Variants in PCLO observed in about 807,000 individuals in gnomAD.
The protein encoded by PCLO is protein piccolo.
A neutral mutation model predicts 427.5 loss-of-function variants in PCLO; 82 were observed. The observed-to-expected ratio is 0.19, with a 90% CI of 0.16 to 0.23. The LOEUF is 0.23. Among genes scored for constraint, PCLO ranks in the 10% least tolerant of loss-of-function variants. PCLO has a pLI of 1.00. For missense variants in PCLO, 6,239 were observed against 6,115.9 expected, an observed-to-expected ratio of 1.02 and a Z score of -0.67; for synonymous variants, 2,357 against 2,155.4, an observed-to-expected ratio of 1.09 and a Z score of -2.59.
At chr7:82,930,248 T>C (rs1008953276) in intron 6 of PCLO, among the ~76,000 whole-genome samples, 1 of 152,070 alleles carries the variant, frequency 6.6e-6, no homozygotes, top group African/African-American at 2.4e-5. Context: ...TACACGTATG[T>C]CCCAGGACCT....
intron 3 of PCLO, among the ~76,000 whole-genome samples, chr7:83,015,649 C>T (rs1788188441): frequency 6.6e-6 from 1 of 151,980 alleles, no homozygotes; most frequent in South Asian, 2.1e-4. Flanking sequence ...ATTGTGAAAA[C>T]AAGGCCAAAT....
intron 6 of PCLO, among the ~76,000 whole-genome samples, chr7:82,948,258 T>C (rs2116410113): frequency 6.6e-6 from 1 of 150,876 alleles, no homozygotes; most frequent in Non-Finnish European, 1.5e-5. Flanking sequence ...CTCCTTGACA[T>C]GAAGACAGTT....
intron 3 of PCLO, among the ~76,000 whole-genome samples, chr7:83,030,993 T>A (rs1051872403): frequency 6.6e-6 from 1 of 152,222 alleles, no homozygotes; most frequent in Non-Finnish European, 1.5e-5. Flanking sequence ...GGCTCTGATA[T>A]GGTGTCACAA....
intron 3 of PCLO, among the ~76,000 whole-genome samples, chr7:82,984,151 A>G (rs574732848): frequency 6.7e-6 from 1 of 148,838 alleles, no homozygotes; most frequent in African/African-American, 2.6e-5. Flanking sequence ...GAAGAAATTA[A>G]TTTCAATACT....
In PCLO at chr7:82,879,619, T is replaced by G. The variant is rs903216664; in HGVS notation, c.13529-157A>C. 4.6e-5 allele frequency among the ~76,000 whole-genome samples: 7 copies of G among 152,160 alleles called. No individual in the cohort carries two copies. In the South Asian group the frequency reaches 6.2e-4, roughly 14 times the overall value. On this transcript the variant is annotated intron_variant, in intron 9 of 24. Coordinates refer to ENST00000333891, the MANE Select transcript of PCLO (RefSeq NM_033026.6). Reference sequence around the variant, plus strand: ...CCAAAACCAAAGTATGTTATTCTGATTTTGATAATATAAAATAGGATTTTC... The same window carrying G: ...CCAAAACCAAAGTATGTTATTCTGAGTTTGATAATATAAAATAGGATTTTC...
intron 24 of PCLO, among the ~76,000 whole-genome samples, chr7:82,759,424 T>G (rs1246353964): frequency 6.6e-6 from 1 of 151,966 alleles, no homozygotes; most frequent in Non-Finnish European, 1.5e-5. Context: ...CTTCCAGATA[T>G]GACTATCTCT....
chr7:83,024,022 T>C (rs1421423148), intron 3 of PCLO, among the ~76,000 whole-genome samples: 1 of 152,230 alleles, frequency 6.6e-6, no homozygotes, highest in Admixed American at 6.5e-5. Context: ...CATTTATTGC[T>C]TACTGGCTTT....
intron 17 of PCLO, 31 bp from the exon 18 acceptor site, chr7:82,826,691 C>A: frequency 7.2e-7 from 1 of 1,381,454 alleles, no homozygotes; most frequent in Non-Finnish European, 1.0e-6. Flanking sequence ...TCTAATTAAA[C>A]CTATCTTTCC....
chr7:83,021,963 T>A (rs1048730898), intron 3 of PCLO, among the ~76,000 whole-genome samples: 4 of 152,214 alleles, frequency 2.6e-5, no homozygotes, highest in Non-Finnish European at 5.9e-5. Context: ...TAAACAAATT[T>A]AAAAATATTC....
intron 3 of PCLO, among the ~76,000 whole-genome samples, chr7:83,041,900 T>A (rs1428932197): frequency 1.8e-4 from 27 of 152,068 alleles, no homozygotes; most frequent in Admixed American, 1.8e-3. Context: ...TATACGAGCA[T>A]CCCCTAGGGC....
intron 3 of PCLO, among the ~76,000 whole-genome samples, chr7:83,026,410 C>G (rs1368185336): frequency 2.6e-5 from 4 of 152,092 alleles, no homozygotes; most frequent in African/African-American, 9.7e-5. Flanking sequence ...GCTAACTATC[C>G]TAAATATATA....
intron 22 of PCLO, among the ~76,000 whole-genome samples, chr7:82,781,754 A>G (rs1408236025): frequency 6.6e-6 from 1 of 152,062 alleles, no homozygotes; most frequent in Non-Finnish European, 1.5e-5. Flanking sequence ...TGTGAGTCTT[A>G]AGACCCTCCC....
chr7:82,867,180 G>A (rs935687263), intron 10 of PCLO, among the ~76,000 whole-genome samples: 2 of 152,154 alleles, frequency 1.3e-5, no homozygotes, highest in Admixed American at 6.5e-5. Context: ...CAGGAGGATC[G>A]TTTGAGCACA....
chr7:82,922,248 A>G (rs1278591370), intron 6 of PCLO, among the ~76,000 whole-genome samples: 1 of 151,944 alleles, frequency 6.6e-6, no homozygotes, highest in African/African-American at 2.4e-5. Context: ...TGTATACTCA[A>G]AGGAATATAT....
intron 21 of PCLO, among the ~76,000 whole-genome samples, chr7:82,801,994 T>A (rs959619386): frequency 6.6e-6 from 1 of 151,990 alleles, no homozygotes; most frequent in Non-Finnish European, 1.5e-5. Context: ...TTATTCCAGT[T>A]TTTTTGGTAA....
chr7:82,994,976 C>T (rs9642153), intron 3 of PCLO, among the ~76,000 whole-genome samples: 39,691 of 151,482 alleles, frequency 0.26, 6,546 homozygotes, highest in East Asian at 0.56. Flanking sequence ...ACTAAGATAG[C>T]AAGAATATGG....
At chr7:82,919,009 C>T (rs2116285794) in intron 6 of PCLO, among the ~76,000 whole-genome samples, 1 of 152,092 alleles carries the variant, frequency 6.6e-6, no homozygotes, top group African/African-American at 2.4e-5. Flanking sequence ...TTGGAAGTCA[C>T]TTCTTTTCAA....
At chr7:83,100,084 CCTAT>C (rs1309347377) in intron 3 of PCLO, among the ~76,000 whole-genome samples, 4 of 152,080 alleles carry the variant, frequency 2.6e-5, no homozygotes, top group African/African-American at 9.7e-5. Flanking sequence ...TCTATCTAAA[CCTAT>C]CTATCCAAAA....
chr7:82,825,460 G>C (rs1791911497), intron 18 of PCLO, among the ~76,000 whole-genome samples: 1 of 151,918 alleles, frequency 6.6e-6, no homozygotes, highest in South Asian at 2.1e-4. Context: ...GGTGAAAAGA[G>C]ATGTGCAAAG....
Sources: allele counts gnomAD v4.1 joint callset (sites outside exome capture counted in the v4.1 genomes callset), GRCh38; gene constraint gnomAD v4.1.1; transcripts MANE v1.5; gene names NCBI Gene and HGNC (gene_info 2026-07-23, HGNC 2026-07-21).